The following AFF1 variants were observed in gnomAD, a reference collection of about 807,000 sequenced individuals.
AFF1 encodes ALF transcription elongation factor 1, also known as AF4/FMR2 family member 1.
A neutral mutation model predicts 121.7 loss-of-function variants in AFF1; 48 were observed. The ratio of observed to expected loss-of-function variants is 0.39; its 90% CI spans 0.31 to 0.50. The LOEUF (loss-of-function observed/expected upper bound fraction) is 0.50. Among genes scored for constraint, AFF1 ranks in the 20% least tolerant of loss-of-function variants. The pLI is 0.76. For synonymous variants in AFF1, 613 were observed against 563.0 expected (o/e 1.09, Z -1.26); for missense variants, 1,523 against 1,511.7 (o/e 1.01, Z -0.12).
At chr4:87,094,241 G>T (rs1724602533) in intron 7 of AFF1, among the ~76,000 whole-genome samples, 1 of 152,128 alleles carries the variant, frequency 6.6e-6, no homozygotes, top group African/African-American at 2.4e-5. Flanking sequence ...TTAATTTGCT[G>T]CCTTTGGTAT....
At chr4:87,116,477 G>C (rs982737487) in intron 12 of AFF1, among the ~76,000 whole-genome samples, 3 of 152,084 alleles carry the variant, frequency 2.0e-5, no homozygotes, top group South Asian at 2.1e-4. Flanking sequence ...CTGCTGAGAA[G>C]GAATAAAATT....
intron 2 of AFF1, among the ~76,000 whole-genome samples, chr4:87,028,457 G>A (rs1174786496): frequency 6.6e-6 from 1 of 152,130 alleles, no homozygotes; most frequent in Non-Finnish European, 1.5e-5. Flanking sequence ...CTGGGAAGAT[G>A]ATTAGAAGAA....
chr4:86,985,488 C>A (rs1421002502), intron 2 of AFF1, among the ~76,000 whole-genome samples: 2 of 136,778 alleles, frequency 1.5e-5, no homozygotes, highest in East Asian at 4.3e-4. Flanking sequence ...CCCGGGCCGA[C>A]AACAGCGAGA....
chr4:87,034,402 GC>G (rs533368580), intron 2 of AFF1, among the ~76,000 whole-genome samples: 3 of 152,298 alleles, frequency 2.0e-5, no homozygotes, highest in African/African-American at 7.2e-5. Context: ...CGCTTAATTT[GC>G]CTTGCATTTA....
At chr4:87,129,390 A>G (rs935572053) in intron 16 of AFF1, among the ~76,000 whole-genome samples, 16 of 152,312 alleles carry the variant, frequency 1.1e-4, no homozygotes, top group African/African-American at 3.9e-4. Context: ...ATGGAATCAC[A>G]GAAATATGGA....
Position 87,140,392 on chromosome 4 carries a change from TTTTAA to T in AFF1, c.*4695_*4699del, listed in dbSNP as rs1305757963. The T allele has an allele frequency of 3.7e-5, 7 of 190,526 alleles. No homozygotes were observed. Among genetic ancestry groups the T allele is most frequent in the Non-Finnish European group, 7.7e-5 (7 of 90,668 alleles). The allele number at this position is 190,526 out of a possible 1,614,324, so 11.8% of individuals were successfully genotyped here. A position where few individuals can be genotyped will look rare whatever the true frequency, so the allele number is the denominator to read the frequency against. On this transcript the variant is annotated 3_prime_UTR_variant, in exon 21 of 21. Transcript: ENST00000395146. ...ACGCACGCATGTGTCCCAAATCTTG[TTTTAA>T]TTTTTTTTTTCTGAATGTGATCATG...
At chr4:87,097,330 C>T (rs1242834977) in intron 8 of AFF1, among the ~76,000 whole-genome samples, 2 of 152,266 alleles carry the variant, frequency 1.3e-5, no homozygotes, top group Non-Finnish European at 2.9e-5. Context: ...GTCTGATCTA[C>T]GCCTGACAGG....
intron 4 of AFF1, among the ~76,000 whole-genome samples, chr4:87,056,951 G>A (rs77023025): frequency 0.053 from 8,017 of 152,268 alleles, 694 homozygotes; most frequent in African/African-American, 0.18. Context: ...GAGGTACAGA[G>A]AGATTGGTTG....
At chr4:86,996,084 T>A (rs1266446596) in intron 2 of AFF1, among the ~76,000 whole-genome samples, 1 of 147,346 alleles carries the variant, frequency 6.8e-6, no homozygotes, top group African/African-American at 2.6e-5. Flanking sequence ...GGCAGCCACC[T>A]CGTCTGGGAG....
chr4:87,087,993 T>C (rs1285635833), intron 5 of AFF1, among the ~76,000 whole-genome samples: 1 of 152,230 alleles, frequency 6.6e-6, no homozygotes, highest in Non-Finnish European at 1.5e-5. Context: ...TAATTAAAAG[T>C]TGTAATGCTT....
intron 11 of AFF1, among the ~76,000 whole-genome samples, chr4:87,112,913 T>C (rs1472738036): frequency 6.6e-6 from 1 of 152,230 alleles, no homozygotes; most frequent in Non-Finnish European, 1.5e-5. Flanking sequence ...TAACTATCAC[T>C]CACTCTGTTA....
chr4:87,115,059 C>T lies in AFF1; in HGVS notation c.2226C>T (p.Arg742=). ...RQAVVVQEDS[R]KDRLPLPLRD... ...CCGTGGTGGTCCAGGAGGACAGCCG[C>T]AAAGACAGACTCCCATTGCCTTTGA... Residue 742 remains arginine (R), a synonymous_variant, in exon 12 of 21, where the codon CGC becomes CGT. Transcript: ENST00000395146. 1 of 1,614,176 alleles carries T rather than the reference C, an allele frequency of 6.2e-7. No individual in the cohort carries two copies. The highest frequency in any genetic ancestry group is 8.5e-7 in the Non-Finnish European group (1 of 1,180,040).
At chr4:86,937,931 G>A (rs1720159680) in intron 1 of AFF1, among the ~76,000 whole-genome samples, 1 of 152,146 alleles carries the variant, frequency 6.6e-6, no homozygotes, top group Non-Finnish European at 1.5e-5. Context: ...CCAGGTGATT[G>A]TTTAGTTGAA....
chr4:86,991,546 A>G (rs1021846989), intron 2 of AFF1, among the ~76,000 whole-genome samples: 4 of 152,172 alleles, frequency 2.6e-5, no homozygotes, highest in Non-Finnish European at 5.9e-5. Flanking sequence ...GTTTTGACCC[A>G]GGTTCTTTTA....
At chr4:86,937,897 T>C (rs1170379905) in intron 1 of AFF1, among the ~76,000 whole-genome samples, 6 of 152,202 alleles carry the variant, frequency 3.9e-5, no homozygotes, top group Non-Finnish European at 8.8e-5. Flanking sequence ...GAAGCCACCG[T>C]GCCTGGCCTA....
chr4:87,113,787 G>T (rs1221246512), intron 11 of AFF1, among the ~76,000 whole-genome samples: 2 of 152,090 alleles, frequency 1.3e-5, no homozygotes, highest in African/African-American at 4.8e-5. Context: ...GATCACTTGA[G>T]GCCAGGAGTT....
chr4:86,989,168 A>G (rs564522002), intron 2 of AFF1, among the ~76,000 whole-genome samples: 1 of 152,372 alleles, frequency 6.6e-6, no homozygotes, highest in South Asian at 2.1e-4. Context: ...AATGGCAACA[A>G]AAGCCAAAAT....
At chr4:87,124,095 G>A (rs998722852) in intron 12 of AFF1, among the ~76,000 whole-genome samples, 1 of 152,228 alleles carries the variant, frequency 6.6e-6, no homozygotes. Context: ...GCTGGTGTAT[G>A]TGCTAACAAG....
intron 2 of AFF1, among the ~76,000 whole-genome samples, chr4:87,034,765 T>A (rs1385438995): frequency 1.3e-5 from 2 of 151,390 alleles, no homozygotes; most frequent in Non-Finnish European, 2.9e-5. Context: ...TTTGATTCAT[T>A]TGATGGGTAA....
Sources: allele counts gnomAD v4.1 joint callset (sites outside exome capture counted in the v4.1 genomes callset), GRCh38; gene constraint gnomAD v4.1.1; transcripts MANE v1.5; gene names NCBI Gene and HGNC (gene_info 2026-07-23, HGNC 2026-07-21).